DACH2: variants seen among roughly 807,000 people sequenced by gnomAD.
DACH2 encodes the protein dachshund homolog 2.
In DACH2, 17 loss-of-function variants were observed where a neutral mutation model predicts 35.8. That is an observed-to-expected ratio of 0.48 (90% CI 0.33 to 0.71). The LOEUF is 0.71. Among genes scored for constraint, DACH2 ranks in the 30% least tolerant of loss-of-function variants. The pLI, the probability that DACH2 is intolerant of heterozygous loss-of-function variation, is 0.02. For missense variants in DACH2, 469 were observed against 472.7 expected (o/e 0.99, Z 0.07); for synonymous variants, 195 against 177.3 (o/e 1.10, Z -0.79).
At chrX:86,538,777 A>C (rs1194290153) in intron 3 of DACH2, among the ~76,000 whole-genome samples, 1 of 111,840 alleles carries the variant, frequency 8.9e-6, no homozygotes, top group Non-Finnish European at 1.9e-5. Context: ...TTTGGGGATT[A>C]CATGTTGATC....
intron 7 of DACH2, among the ~76,000 whole-genome samples, chrX:86,776,232 A>G (rs943891812): frequency 1.8e-5 from 2 of 111,641 alleles, no homozygotes; most frequent in African/African-American, 6.5e-5. Flanking sequence ...CTAGAGGCTC[A>G]AGAGTCCAAG....
At chrX:86,318,839 A>G (rs1050394622) in intron 1 of DACH2, among the ~76,000 whole-genome samples, 4 of 111,843 alleles carry the variant, frequency 3.6e-5, no homozygotes, top group African/African-American at 1.3e-4. Context: ...ACTTGGTATT[A>G]TGAAATAGAA....
chrX:86,158,473 T>C (rs1001506037), intron 1 of DACH2, among the ~76,000 whole-genome samples: 3 of 111,056 alleles, frequency 2.7e-5, no homozygotes, highest in Non-Finnish European at 5.7e-5. Flanking sequence ...AAAAACTTCT[T>C]CACAACCATT....
chrX:86,781,714 C>T (rs2042091071), intron 7 of DACH2, among the ~76,000 whole-genome samples: 1 of 110,896 alleles, frequency 9.0e-6, no homozygotes, highest in Non-Finnish European at 1.9e-5. Flanking sequence ...TTATGCAGAC[C>T]CACAGCTAGT....
chrX:86,527,367 C>A (rs1476697747), intron 3 of DACH2, among the ~76,000 whole-genome samples: 1 of 111,268 alleles, frequency 9.0e-6, no homozygotes, highest in Non-Finnish European at 1.9e-5. Context: ...TGTCTGTCTC[C>A]CAGGTAACCA....
chrX:86,494,871 G>A (rs2038144831), intron 2 of DACH2, among the ~76,000 whole-genome samples: 1 of 112,426 alleles, frequency 8.9e-6, no homozygotes, highest in African/African-American at 3.2e-5. Flanking sequence ...GAAATATAAT[G>A]TGAGTCACAA....
intron 7 of DACH2, among the ~76,000 whole-genome samples, chrX:86,751,880 A>G (rs1307477963): frequency 8.9e-6 from 1 of 112,182 alleles, no homozygotes; most frequent in Non-Finnish European, 1.9e-5. Context: ...AATGTGCTAC[A>G]TATACAACAT....
At chrX:86,612,168 T>TG (rs751423713) in intron 3 of DACH2, among the ~76,000 whole-genome samples, 1 of 108,290 alleles carries the variant, frequency 9.2e-6, no homozygotes, top group Non-Finnish European at 1.9e-5. Flanking sequence ...GTGCCTGGAA[T>TG]GGGGGGCCTT....
intron 1 of DACH2, among the ~76,000 whole-genome samples, chrX:86,334,576 A>C (rs1408832029): frequency 8.9e-6 from 1 of 112,025 alleles, no homozygotes; most frequent in Admixed American, 9.4e-5. Context: ...GTGTCTGTTC[A>C]TATTCTTCAC....
In DACH2 at chrX:86,456,753, G is replaced by T. The variant is rs138074758; in HGVS notation, c.528-57526G>T. On this transcript the variant is annotated intron_variant, in intron 2 of 11. Transcript: ENST00000373125. ...TTATTTTTTTGTTTGCTTTTGTAAG[G>T]AAGATCTACTGGCAACAATTGCCCT... Among the ~76,000 whole-genome samples the T allele has an allele frequency of 6.3e-3, 689 of 110,011 alleles. 7 individuals carry two copies. The highest frequency in any genetic ancestry group is 0.022 in the African/African-American group (669 of 30,346).
intron 7 of DACH2, among the ~76,000 whole-genome samples, chrX:86,753,735 A>G (rs977414073): frequency 4.5e-5 from 5 of 111,379 alleles, no homozygotes; most frequent in Admixed American, 1.9e-4. Flanking sequence ...TAATTCTAAA[A>G]TGCATCTAAA....
At chrX:86,217,095 TAAA>T (rs11323790) in intron 1 of DACH2, among the ~76,000 whole-genome samples, 5 of 88,560 alleles carry the variant, frequency 5.6e-5, no homozygotes, top group African/African-American at 4.1e-5. Context: ...ATCTCAAAAA[TAAA>T]AAAAAAAAAA....
intron 3 of DACH2, among the ~76,000 whole-genome samples, chrX:86,587,467 G>C (rs1266798442): frequency 9.0e-6 from 1 of 111,277 alleles, no homozygotes; most frequent in Non-Finnish European, 1.9e-5. Context: ...CGGGTGGTTA[G>C]AGTGATCATC....
At chrX:86,534,465 C>A (rs1321634625) in intron 3 of DACH2, among the ~76,000 whole-genome samples, 1 of 111,992 alleles carries the variant, frequency 8.9e-6, no homozygotes, top group Non-Finnish European at 1.9e-5. Context: ...ATATTTTCTT[C>A]CCTTAATATC....
chrX:86,733,320 A>G (rs2041553472), intron 6 of DACH2, among the ~76,000 whole-genome samples: 1 of 111,964 alleles, frequency 8.9e-6, no homozygotes, highest in African/African-American at 3.2e-5. Flanking sequence ...AGTTGCAAAC[A>G]AATGTTTCTT....
intron 2 of DACH2, among the ~76,000 whole-genome samples, chrX:86,487,620 T>C (rs560523086): frequency 2.1e-5 from 2 of 96,993 alleles, no homozygotes; most frequent in East Asian, 7.2e-4. Context: ...TAAATTATAG[T>C]CTTATATTGC....
chrX:86,709,077 A>G (rs2041250402), intron 5 of DACH2, among the ~76,000 whole-genome samples: 1 of 111,702 alleles, frequency 9.0e-6, no homozygotes, highest in Admixed American at 9.5e-5. Context: ...ATGGAAAGTA[A>G]AAGACCCACA....
intron 2 of DACH2, among the ~76,000 whole-genome samples, chrX:86,387,221 G>T (rs2036134896): frequency 9.0e-6 from 1 of 111,388 alleles, no homozygotes; most frequent in Non-Finnish European, 1.9e-5. Context: ...AGGGTTTGGG[G>T]TCAAATAAAT....
intron 7 of DACH2, among the ~76,000 whole-genome samples, chrX:86,756,137 A>T (rs760316052): frequency 1.8e-5 from 2 of 111,277 alleles, no homozygotes; most frequent in East Asian, 5.7e-4. Context: ...TTTGGCTACT[A>T]TAGCCTTGTA....
Sources: allele counts gnomAD v4.1 joint callset (sites outside exome capture counted in the v4.1 genomes callset), GRCh38; gene constraint gnomAD v4.1.1; transcripts MANE v1.5; gene names NCBI Gene and HGNC (gene_info 2026-07-23, HGNC 2026-07-21).